NWD2: variants seen among roughly 807,000 people sequenced by gnomAD.
NWD2 encodes NACHT and WD repeat domain containing 2, also known as NACHT and WD repeat domain-containing protein 2.
A neutral mutation model predicts 132.7 loss-of-function variants in NWD2; 37 were observed. The ratio of observed to expected loss-of-function variants is 0.28; its 90% CI spans 0.21 to 0.37. NWD2 has a LOEUF of 0.37. NWD2 is among the 10% of genes least tolerant of loss of function. NWD2 has a pLI of 1.00. For synonymous variants in NWD2, 705 were observed against 803.0 expected (o/e 0.88, Z 2.06); for missense variants, 1,592 against 2,122.4 (o/e 0.75, Z 4.91).
chr4:37,332,557 A>G (rs761864346), intron 2 of NWD2, among the ~76,000 whole-genome samples: 65 of 152,122 alleles, frequency 4.3e-4, no homozygotes, highest in Middle Eastern at 3.4e-3. Context: ...CCAAGGACCA[A>G]TCCTGGGCTC....
At chr4:37,318,927 C>G (rs1479533839) in intron 1 of NWD2, among the ~76,000 whole-genome samples, 1 of 152,054 alleles carries the variant, frequency 6.6e-6, no homozygotes, top group African/African-American at 2.4e-5. Context: ...GTGAATAGTG[C>G]AGTGATGAAA....
Position 37,444,676 on chromosome 4 carries a change from C to A in NWD2, c.2688C>A (p.Leu896=). 6.4e-7 allele frequency: 1 copy of A among 1,552,272 alleles called. No homozygotes were observed. Among genetic ancestry groups the A allele is most frequent in the Non-Finnish European group, 8.7e-7 (1 of 1,147,124 alleles). ...EKELKFLANT[L]RSIKNKVTAF... ...AGCTGAAGTTCCTGGCCAACACCCT[C>A]CGCAGCATCAAAAACAAGGTCACTG... is the stretch of plus-strand genomic sequence containing the variant. Residue 896 remains leucine (L), a synonymous_variant, in exon 7 of 7, where the codon CTC becomes CTA. Coordinates refer to ENST00000309447, the MANE Select transcript of NWD2 (RefSeq NM_001144990.2). The surrounding 1 kb of genome is among the most constrained non-coding windows in gnomAD (Gnocchi z 4.8).
intron 1 of NWD2, among the ~76,000 whole-genome samples, chr4:37,311,241 G>T (rs1370455820): frequency 1.3e-5 from 2 of 152,144 alleles, no homozygotes; most frequent in African/African-American, 2.4e-5. Context: ...CTAGTTTACA[G>T]TCCCACCAAC....
intron 3 of NWD2, among the ~76,000 whole-genome samples, chr4:37,358,732 T>G (rs753786484): frequency 2.0e-4 from 30 of 152,300 alleles, no homozygotes; most frequent in African/African-American, 7.2e-4. Context: ...TTTTATAGTA[T>G]TTCACACATA....
intron 2 of NWD2, among the ~76,000 whole-genome samples, chr4:37,345,709 G>A (rs910692476): frequency 1.3e-5 from 2 of 152,022 alleles, no homozygotes; most frequent in Admixed American, 6.6e-5. Context: ...ATTTTAAGTA[G>A]GTTCAATTTA....
At chr4:37,321,087 G>T (rs1409019193) in intron 1 of NWD2, among the ~76,000 whole-genome samples, 1 of 152,000 alleles carries the variant, frequency 6.6e-6, no homozygotes, top group Middle Eastern at 3.2e-3. Context: ...AACCTGGGAG[G>T]TAGAGGTTGC....
intron 1 of NWD2, among the ~76,000 whole-genome samples, chr4:37,305,651 A>G (rs1718696438): frequency 6.6e-6 from 1 of 152,204 alleles, no homozygotes; most frequent in Non-Finnish European, 1.5e-5. Context: ...GTGTTGAAAC[A>G]TCCTTGCATC....
rs191564349 is a variant in NWD2 at position 37,282,184 on chromosome 4, T to C, written c.151+36966T>C. ...CAACAGCTCTTTCTATGAAAGGCTA[T>C]TAAAAATGAAAAACACTACAAAAAT... On this transcript the variant is annotated intron_variant, in intron 1 of 6. Coordinates refer to ENST00000309447, the MANE Select transcript of NWD2 (RefSeq NM_001144990.2). Among the ~76,000 whole-genome samples, 158 of 152,276 alleles carry C rather than the reference T, an allele frequency of 1.0e-3. 1 individual carries two copies. The highest frequency in any genetic ancestry group is 3.4e-3 in the African/African-American group (143 of 41,554).
At chr4:37,273,421 A>G (rs952213980) in intron 1 of NWD2, among the ~76,000 whole-genome samples, 29 of 152,114 alleles carry the variant, frequency 1.9e-4, no homozygotes, top group Admixed American at 2.6e-4. Flanking sequence ...GAGCACCCAG[A>G]TTCATAAAGC....
intron 1 of NWD2, among the ~76,000 whole-genome samples, chr4:37,294,207 A>G (rs1364755398): frequency 6.6e-6 from 1 of 152,182 alleles, no homozygotes; most frequent in African/African-American, 2.4e-5. Flanking sequence ...GGCCTTCCCT[A>G]CACCATTGAA....
chr4:37,335,714 C>T (rs1278052551), intron 2 of NWD2, among the ~76,000 whole-genome samples: 2 of 151,520 alleles, frequency 1.3e-5, no homozygotes, highest in African/African-American at 2.4e-5. Flanking sequence ...GTTGTGGACT[C>T]CTTATGAGAA....
intron 3 of NWD2, among the ~76,000 whole-genome samples, chr4:37,413,049 A>T (rs1251434365): frequency 6.6e-6 from 1 of 152,244 alleles, no homozygotes; most frequent in East Asian, 1.9e-4. Flanking sequence ...ACCATTCAGG[A>T]CACAGGCATG....
intron 1 of NWD2, among the ~76,000 whole-genome samples, chr4:37,249,389 T>C (rs184126878): frequency 6.6e-5 from 10 of 152,018 alleles, no homozygotes; most frequent in African/African-American, 2.4e-4. Flanking sequence ...GGCAAGGGAG[T>C]TTCCCAATAT....
intron 4 of NWD2, among the ~76,000 whole-genome samples, chr4:37,433,206 G>A (rs1347753607): frequency 6.6e-6 from 1 of 152,148 alleles, no homozygotes; most frequent in African/African-American, 2.4e-5. Context: ...AAGATGCCAG[G>A]AGTAAATATA....
chr4:37,351,614 T>C (rs1719764854), intron 2 of NWD2, among the ~76,000 whole-genome samples: 1 of 150,614 alleles, frequency 6.6e-6, no homozygotes, highest in Non-Finnish European at 1.5e-5. Context: ...TTGTTAATCT[T>C]TTCAAAAAAA....
chr4:37,301,429 G>A (rs1718609739), intron 1 of NWD2, among the ~76,000 whole-genome samples: 1 of 151,600 alleles, frequency 6.6e-6, no homozygotes, highest in Admixed American at 6.6e-5. Flanking sequence ...TATCTCTTTT[G>A]TCCATTTTTT....
At chr4:37,312,038 A>G (rs1223506687) in intron 1 of NWD2, among the ~76,000 whole-genome samples, 3 of 151,804 alleles carry the variant, frequency 2.0e-5, no homozygotes, top group Non-Finnish European at 4.4e-5. Context: ...GTAGCCTTGT[A>G]GTATAGTTTG....
intron 1 of NWD2, among the ~76,000 whole-genome samples, chr4:37,312,769 T>C (rs1718875687): frequency 6.6e-6 from 1 of 151,146 alleles, no homozygotes; most frequent in South Asian, 2.1e-4. Flanking sequence ...TATGGGTTTG[T>C]CATAGATAGC....
chr4:37,355,076 G>C (rs1441109841), intron 2 of NWD2, among the ~76,000 whole-genome samples: 1 of 152,156 alleles, frequency 6.6e-6, no homozygotes, highest in Non-Finnish European at 1.5e-5. Flanking sequence ...CAACATGAGA[G>C]CCAGTATGGG....
Sources: allele counts gnomAD v4.1 joint callset (sites outside exome capture counted in the v4.1 genomes callset), GRCh38; gene constraint gnomAD v4.1.1; non-coding constraint Gnocchi (gnomAD v3.1); transcripts MANE v1.5; gene names NCBI Gene and HGNC (gene_info 2026-07-23, HGNC 2026-07-21).